PDE7B: variants seen among roughly 807,000 people sequenced by gnomAD.
PDE7B encodes 3',5'-cyclic-AMP phosphodiesterase 7B.
A neutral mutation model predicts 56.2 loss-of-function variants in PDE7B; 29 were observed. That is an observed-to-expected ratio of 0.52 (90% CI 0.38 to 0.70). The LOEUF (loss-of-function observed/expected upper bound fraction) is 0.70, where lower values mean the gene tolerates loss of function less well. Ranked by LOEUF, PDE7B falls within the 30% of genes least tolerant of loss-of-function variation. The probability of loss-of-function intolerance (pLI) is 0.00; values close to 1 mark genes in which losing one functional copy is unlikely to be tolerated. For synonymous variants in PDE7B, 197 were observed against 196.9 expected (o/e 1.00, Z 0.00); for missense variants, 490 against 565.0 (o/e 0.87, Z 1.35).
At chr6:135,967,510 A>G (rs1323225548) in intron 2 of PDE7B, among the ~76,000 whole-genome samples, 1 of 152,190 alleles carries the variant, frequency 6.6e-6, no homozygotes, top group African/African-American at 2.4e-5. Context: ...TTCAGCTTTC[A>G]AAATACTAAG....
chr6:136,044,436 T>C (rs1177344352), intron 2 of PDE7B: 1 of 152,202 alleles, frequency 6.6e-6, no homozygotes, highest in Non-Finnish European at 1.5e-5. Context: ...AACATCTTTT[T>C]AGGGACAGAT....
chr6:136,127,326 T>C (rs1423388060), intron 3 of PDE7B, among the ~76,000 whole-genome samples: 1 of 152,160 alleles, frequency 6.6e-6, no homozygotes, highest in Admixed American at 6.5e-5. Context: ...AGGTAATGCC[T>C]CCCACATTGA....
At chr6:136,104,406 T>C in intron 2 of PDE7B, among the ~76,000 whole-genome samples, 1 of 152,044 alleles carries the variant, frequency 6.6e-6, no homozygotes, top group East Asian at 1.9e-4. Context: ...CTTAGGTAAA[T>C]AGATGATTGC....
At chr6:136,169,348 C>T (rs778328948) in intron 8 of PDE7B, among the ~76,000 whole-genome samples, 1 of 152,142 alleles carries the variant, frequency 6.6e-6, no homozygotes, top group Non-Finnish European at 1.5e-5. Flanking sequence ...CAATCATCTA[C>T]TCTATTGTCT....
intron 2 of PDE7B, among the ~76,000 whole-genome samples, chr6:135,959,333 G>C (rs1427456629): frequency 1.3e-5 from 2 of 152,072 alleles, no homozygotes; most frequent in African/African-American, 4.8e-5. Context: ...TAAGAAAAGA[G>C]TTACTATGTC....
intron 2 of PDE7B, among the ~76,000 whole-genome samples, chr6:135,973,785 A>G (rs990554609): frequency 5.3e-5 from 8 of 152,206 alleles, no homozygotes; most frequent in Non-Finnish European, 7.3e-5. Context: ...AGTTTAATCT[A>G]TTTCATATTG....
intron 3 of PDE7B, among the ~76,000 whole-genome samples, chr6:136,133,171 A>G (rs1778147658): frequency 6.6e-6 from 1 of 152,210 alleles, no homozygotes; most frequent in East Asian, 1.9e-4. Context: ...AGCATGGCAC[A>G]TGTATACATA....
intron 2 of PDE7B, among the ~76,000 whole-genome samples, chr6:136,040,215 C>T (rs896747836): frequency 2.0e-5 from 3 of 152,164 alleles, no homozygotes; most frequent in African/African-American, 7.2e-5. Context: ...GCACCCTGGT[C>T]TGCTGTTGAG....
At chr6:136,069,345 G>A (rs778652619) in intron 2 of PDE7B, among the ~76,000 whole-genome samples, 7 of 152,200 alleles carry the variant, frequency 4.6e-5, no homozygotes, top group African/African-American at 4.8e-5. Flanking sequence ...TCACAAGCAC[G>A]TGCATAAGTA....
intron 2 of PDE7B, among the ~76,000 whole-genome samples, chr6:135,994,496 G>A (rs1224948618): frequency 6.6e-6 from 1 of 152,106 alleles, no homozygotes; most frequent in Non-Finnish European, 1.5e-5. Context: ...TTGCAGCAAA[G>A]CACATGTATA....
At chr6:135,971,661 A>C (rs1335936370) in intron 2 of PDE7B, among the ~76,000 whole-genome samples, 1 of 152,208 alleles carries the variant, frequency 6.6e-6, no homozygotes, top group African/African-American at 2.4e-5. Context: ...AATTCAAAAG[A>C]CATTGGTATG....
intron 3 of PDE7B, among the ~76,000 whole-genome samples, chr6:136,137,689 C>T (rs1778236289): frequency 6.6e-6 from 1 of 151,990 alleles, no homozygotes; most frequent in African/African-American, 2.4e-5. Flanking sequence ...TCTCCTGGTA[C>T]CAAAATTAAT....
intron 2 of PDE7B, among the ~76,000 whole-genome samples, chr6:135,975,624 G>T (rs55887540): frequency 0.013 from 1,922 of 152,242 alleles, 37 homozygotes; most frequent in African/African-American, 0.044. Flanking sequence ...TAAGGAAGTT[G>T]GGAAAGTAAA....
chr6:135,974,292 C>CAT (rs745584194), intron 2 of PDE7B, among the ~76,000 whole-genome samples: 46 of 150,508 alleles, frequency 3.1e-4, no homozygotes, highest in Middle Eastern at 6.9e-3. Flanking sequence ...TGTCTATATA[C>CAT]ATATATATAT....
rs1562508129 is a variant in PDE7B at position 136,155,608 on chromosome 6, C to T, written c.580-19C>T. ...TGTGAAAATACACCAATCAATCTCC[C>T]AATTTGTTTTTTTAACAGCTTGCCA... On this transcript the variant is annotated intron_variant, in intron 7 of 12. Transcript: ENST00000308191. 6.3e-7 allele frequency: 1 copy of T among 1,593,852 alleles called. No individual in the cohort carries two copies.
At chr6:135,922,627 A>AGTGC (rs1774105613) in intron 1 of PDE7B, among the ~76,000 whole-genome samples, 1 of 152,156 alleles carries the variant, frequency 6.6e-6, no homozygotes, top group Non-Finnish European at 1.5e-5. Flanking sequence ...ATATTCCCTA[A>AGTGC]GTGCTTGCTT....
chr6:136,107,282 A>G (rs1374699952), intron 2 of PDE7B, among the ~76,000 whole-genome samples: 1 of 152,216 alleles, frequency 6.6e-6, no homozygotes, highest in Non-Finnish European at 1.5e-5. Flanking sequence ...TACTTCGGGA[A>G]AAAGGTGATT....
intron 3 of PDE7B, among the ~76,000 whole-genome samples, chr6:136,123,138 G>T (rs1777966492): frequency 6.6e-6 from 1 of 151,760 alleles, no homozygotes; most frequent in Admixed American, 6.6e-5. Context: ...ATCACTTGAG[G>T]CCAGGAGTTC....
At chr6:136,047,145 A>G (rs1776524524) in intron 2 of PDE7B, among the ~76,000 whole-genome samples, 1 of 152,180 alleles carries the variant, frequency 6.6e-6, no homozygotes, top group Non-Finnish European at 1.5e-5. Context: ...TTCCCATGTA[A>G]CTAGAAGCAT....
Sources: gnomAD v4.1 joint callset for allele counts (sites outside exome capture counted in the v4.1 genomes callset) on GRCh38, gnomAD v4.1.1 for gene constraint, MANE v1.5 for transcripts, NCBI Gene and HGNC (gene_info 2026-07-23, HGNC 2026-07-21) for gene names.